Variants in XPR1 observed in about 807,000 individuals in gnomAD.
XPR1 encodes the protein solute carrier family 53 member 1.
XPR1 carries 28 observed loss-of-function variants against 87.5 expected under a neutral mutation model. That is an observed-to-expected ratio of 0.32 (90% CI 0.24 to 0.44). XPR1 has a LOEUF of 0.44. Ranked by LOEUF, XPR1 falls within the 20% of genes least tolerant of loss-of-function variation. The pLI is 1.00. For synonymous variants in XPR1, 300 were observed against 306.1 expected (o/e 0.98, Z 0.21); for missense variants, 559 against 862.3 (o/e 0.65, Z 4.41).
intron 1 of XPR1, among the ~76,000 whole-genome samples, chr1:180,650,969 G>T (rs939716087): frequency 4.6e-5 from 7 of 152,120 alleles, no homozygotes; most frequent in Non-Finnish European, 7.4e-5. Context: ...ATAAGCCACA[G>T]AAATAACTTT....
chr1:180,684,530 C>A (rs2101947706), intron 2 of XPR1, among the ~76,000 whole-genome samples: 1 of 152,214 alleles, frequency 6.6e-6, no homozygotes, highest in African/African-American at 2.4e-5. Context: ...TGAAGAAAGG[C>A]ATTGGTAGCT....
At chr1:180,757,869 TAAAAAAAAAAA>T (rs35162664) in intron 2 of XPR1, among the ~76,000 whole-genome samples, 1 of 40,060 alleles carries the variant, frequency 2.5e-5, no homozygotes, top group African/African-American at 1.0e-4. Context: ...GTTGAAAATG[TAAAAAAAAAAA>T]AAAAAAAAAA....
chr1:180,860,026 T>C (rs1558041993), intron 11 of XPR1, among the ~76,000 whole-genome samples: 1 of 151,882 alleles, frequency 6.6e-6, no homozygotes, highest in Non-Finnish European at 1.5e-5. Flanking sequence ...AGACAAGAAA[T>C]TCCCCCTCAA....
chr1:180,738,131 C>T (rs1658788839), intron 2 of XPR1, among the ~76,000 whole-genome samples: 1 of 152,144 alleles, frequency 6.6e-6, no homozygotes, highest in Admixed American at 6.5e-5. Flanking sequence ...CCTGCGTCAG[C>T]CTCCCGAGTA....
At chr1:180,650,226 G>A (rs575793137) in intron 1 of XPR1, among the ~76,000 whole-genome samples, 25 of 151,868 alleles carry the variant, frequency 1.6e-4, no homozygotes, top group South Asian at 2.1e-4. Context: ...ATTTACCGCC[G>A]TCCCCCCAAC....
At chr1:180,702,715 T>G (rs187913643) in intron 2 of XPR1, among the ~76,000 whole-genome samples, 5 of 152,260 alleles carry the variant, frequency 3.3e-5, no homozygotes, top group African/African-American at 1.2e-4. Context: ...TTATATTGTT[T>G]ATCTGTGTTC....
intron 2 of XPR1, among the ~76,000 whole-genome samples, chr1:180,782,654 T>G (rs1460939288): frequency 6.6e-6 from 1 of 151,966 alleles, no homozygotes; most frequent in Non-Finnish European, 1.5e-5. Flanking sequence ...AAGTCCTCAT[T>G]TAACCTTAGT....
chr1:180,796,396 G>C (rs570045094), intron 3 of XPR1, among the ~76,000 whole-genome samples: 14 of 152,202 alleles, frequency 9.2e-5, no homozygotes, highest in Admixed American at 8.5e-4. Flanking sequence ...AACTACATAT[G>C]GTTTATATTC....
At chr1:180,688,049 AT>A (rs61214643) in intron 2 of XPR1, among the ~76,000 whole-genome samples, 3,991 of 130,514 alleles carry the variant, frequency 0.031, 120 homozygotes, top group African/African-American at 0.089. Context: ...TATGTTATTA[AT>A]TTTTTTTTTT....
intron 13 of XPR1, among the ~76,000 whole-genome samples, chr1:180,874,733 G>T (rs1652607354): frequency 6.6e-6 from 1 of 151,844 alleles, no homozygotes. Context: ...AATCAGACAA[G>T]ATAATCCAAA....
chr1:180,840,209 G>A (rs1407438335), intron 11 of XPR1, among the ~76,000 whole-genome samples: 1 of 125,588 alleles, frequency 8.0e-6, no homozygotes, highest in African/African-American at 3.0e-5. Context: ...CGGCCTGGGC[G>A]ACAGAGCGAG....
chr1:180,780,986 A>G (rs1233471449), intron 2 of XPR1, among the ~76,000 whole-genome samples: 2 of 152,000 alleles, frequency 1.3e-5, no homozygotes, highest in Non-Finnish European at 2.9e-5. Flanking sequence ...TTGGTGTCAT[A>G]TCTAAGAAAC....
intron 7 of XPR1, 50 bp downstream of exon 7, chr1:180,811,538 T>G: frequency 6.3e-6 from 9 of 1,420,404 alleles, no homozygotes; most frequent in Non-Finnish European, 8.9e-6. Context: ...TATGCCTGTG[T>G]CATATTCTGC....
At chr1:180,734,641 A>G (rs1353371244) in intron 2 of XPR1, among the ~76,000 whole-genome samples, 1 of 152,232 alleles carries the variant, frequency 6.6e-6, no homozygotes, top group Non-Finnish European at 1.5e-5. Context: ...GGCCAATTTC[A>G]CATGTGGGAC....
intron 1 of XPR1, among the ~76,000 whole-genome samples, chr1:180,653,624 A>G (rs1571682334): frequency 1.3e-5 from 2 of 152,222 alleles, no homozygotes; most frequent in African/African-American, 4.8e-5. Flanking sequence ...GATTGTTTCT[A>G]TACATACATA....
intron 1 of XPR1, among the ~76,000 whole-genome samples, 168 bp downstream of exon 1, chr1:180,632,438 G>A (rs1654618688): frequency 6.6e-6 from 1 of 152,112 alleles, no homozygotes; most frequent in African/African-American, 2.4e-5. Flanking sequence ...CCGCCTCCCG[G>A]CTCCGCTGTC....
chr1:180,672,587 T>A (rs2101932513), intron 1 of XPR1, among the ~76,000 whole-genome samples: 1 of 152,324 alleles, frequency 6.6e-6, no homozygotes, highest in Admixed American at 6.5e-5. Context: ...CTGTTTATTT[T>A]AGTATTAGGA....
At chr1:180,673,407 C>T (rs974458281) in intron 1 of XPR1, among the ~76,000 whole-genome samples, 3 of 152,112 alleles carry the variant, frequency 2.0e-5, no homozygotes, top group African/African-American at 4.8e-5. Context: ...TGTAGGTTTC[C>T]TATGAGAATG....
chr1:180,677,270 C>T (rs914568934), intron 1 of XPR1, among the ~76,000 whole-genome samples: 7 of 152,120 alleles, frequency 4.6e-5, no homozygotes, highest in African/African-American at 7.2e-5. Flanking sequence ...ATTGCAATAG[C>T]GAAAGAGTTT....
Sources: allele counts gnomAD v4.1 joint callset (sites outside exome capture counted in the v4.1 genomes callset), GRCh38; gene constraint gnomAD v4.1.1; transcripts MANE v1.5; gene names NCBI Gene and HGNC (gene_info 2026-07-23, HGNC 2026-07-21).